The following FERRY3 variants were observed in gnomAD, a reference collection of about 807,000 sequenced individuals.
FERRY3 encodes protein C12orf4.
chr12:4,531,263 C>T, the FERRY3 span, among the ~76,000 whole-genome samples: 1 of 152,134 alleles, frequency 6.6e-6, no homozygotes, highest in Admixed American at 6.5e-5. Context: ...TTTAGACGTG[C>T]GACTGCTGTA....
At chr12:4,511,248 G>C in the FERRY3 span, among the ~76,000 whole-genome samples, 11 of 151,502 alleles carry the variant, frequency 7.3e-5, no homozygotes, top group Admixed American at 6.6e-5. Flanking sequence ...AGCAAGTCCT[G>C]AGTGACCTAC....
chr12:4,531,197 G>A, the FERRY3 span, among the ~76,000 whole-genome samples: 1 of 152,198 alleles, frequency 6.6e-6, no homozygotes, highest in Non-Finnish European at 1.5e-5. Context: ...CTAGAACTAC[G>A]ATTTCATCTA....
the FERRY3 span, chr12:4,534,281 T>G: frequency 6.2e-7 from 1 of 1,610,052 alleles, no homozygotes; most frequent in Non-Finnish European, 8.5e-7. Context: ...TTCTATAAAC[T>G]GAGTCAGAGC....
chr12:4,498,698 A>C, the FERRY3 span, among the ~76,000 whole-genome samples: 1 of 152,200 alleles, frequency 6.6e-6, no homozygotes, highest in Admixed American at 6.5e-5. Context: ...ACCAGGAACC[A>C]GTTTCACGGA....
chr12:4,517,714 G>T, the FERRY3 span, among the ~76,000 whole-genome samples: 14 of 145,750 alleles, frequency 9.6e-5, no homozygotes, highest in African/African-American at 3.3e-4. Flanking sequence ...TATAGACAGA[G>T]AGAGAGAGAG....
At chr12:4,517,339 A>G in the FERRY3 span, 1 of 888,826 alleles carries the variant, frequency 1.1e-6, no homozygotes, top group African/African-American at 1.8e-5. Context: ...TTATGCCTTA[A>G]GTTAGGGCAC....
chr12:4,533,541 G>C, the FERRY3 span, among the ~76,000 whole-genome samples: 1 of 152,002 alleles, frequency 6.6e-6, no homozygotes, highest in Non-Finnish European at 1.5e-5. Flanking sequence ...TGTCATCTTG[G>C]CATTCTCTCA....
chr12:4,515,584 C>T, the FERRY3 span, among the ~76,000 whole-genome samples: 2 of 152,014 alleles, frequency 1.3e-5, no homozygotes, highest in Admixed American at 1.3e-4. Context: ...TATCATCTCA[C>T]TTATACATGG....
chr12:4,524,245 A>AT, the FERRY3 span, among the ~76,000 whole-genome samples: 3 of 152,086 alleles, frequency 2.0e-5, no homozygotes, highest in African/African-American at 4.8e-5. Flanking sequence ...ATGCACCCTG[A>AT]TTTTTTTCCT....
At chr12:4,491,213 A>G in the FERRY3 span, 25 of 1,613,278 alleles carry the variant, frequency 1.5e-5, no homozygotes, top group African/African-American at 3.2e-4. Context: ...GCTCTCCTTA[A>G]GCACCAGGGT....
At chr12:4,500,519 G>T in the FERRY3 span, among the ~76,000 whole-genome samples, 1 of 152,036 alleles carries the variant, frequency 6.6e-6, no homozygotes, top group African/African-American at 2.4e-5. Context: ...CAGAGAGAAG[G>T]TAATGAAAAT....
At chr12:4,517,311 T>C in the FERRY3 span, 1 of 1,082,600 alleles carries the variant, frequency 9.2e-7, no homozygotes, top group Non-Finnish European at 1.2e-6. Flanking sequence ...AGATTTCTTA[T>C]ACTTGTCTTT....
chr12:4,511,211 T>G, the FERRY3 span, among the ~76,000 whole-genome samples: 2 of 147,016 alleles, frequency 1.4e-5, no homozygotes, highest in African/African-American at 5.0e-5. Flanking sequence ...ATATATGCAC[T>G]CAATACAGGA....
chr12:4,503,982 C>T, the FERRY3 span, among the ~76,000 whole-genome samples: 1 of 152,118 alleles, frequency 6.6e-6, no homozygotes, highest in Non-Finnish European at 1.5e-5. Context: ...TACAATAGAT[C>T]CTTCACTGAA....
the FERRY3 span, among the ~76,000 whole-genome samples, chr12:4,521,486 A>T: frequency 1.3e-5 from 2 of 152,310 alleles, no homozygotes; most frequent in Admixed American, 1.3e-4. Context: ...AGATATTGGG[A>T]CGAAAAGAAA....
chr12:4,489,232 C>CT, the FERRY3 span: 1 of 152,644 alleles, frequency 6.6e-6, no homozygotes, highest in Non-Finnish European at 1.5e-5. Context: ...TCTTCTGACT[C>CT]TAACTTGTAC....
chr12:4,526,971 A>G, the FERRY3 span, among the ~76,000 whole-genome samples: 288 of 152,292 alleles, frequency 1.9e-3, 2 homozygotes, highest in Non-Finnish European at 3.5e-3. Flanking sequence ...TAAATATTCA[A>G]TATCACTTAA....
chr12:4,492,312 A>G, the FERRY3 span, among the ~76,000 whole-genome samples: 1 of 152,190 alleles, frequency 6.6e-6, no homozygotes, highest in Admixed American at 6.5e-5. Flanking sequence ...CTGGATTCTG[A>G]TATCTGTCTC....
At chr12:4,505,540 T>A in the FERRY3 span, among the ~76,000 whole-genome samples, 3 of 152,230 alleles carry the variant, frequency 2.0e-5, no homozygotes, top group African/African-American at 7.2e-5. Flanking sequence ...GTCATTTAAT[T>A]CTTACAAAAC....
Sources: allele counts gnomAD v4.1 joint callset (sites outside exome capture counted in the v4.1 genomes callset), GRCh38; gene constraint gnomAD v4.1.1; transcripts MANE v1.5; gene names NCBI Gene and HGNC (gene_info 2026-07-23, HGNC 2026-07-21).